Variants in LRFN5 observed in about 807,000 individuals in gnomAD.
The protein encoded by LRFN5 is leucine-rich repeat and fibronectin type-III domain-containing protein 5.
LRFN5 carries 24 observed loss-of-function variants against 45.6 expected under a neutral mutation model. The observed-to-expected ratio is 0.53, with a 90% CI of 0.38 to 0.74. The LOEUF (loss-of-function observed/expected upper bound fraction) is 0.74. LRFN5 is among the 30% of genes least tolerant of loss of function. The probability of loss-of-function intolerance (pLI) is 0.00; values close to 1 mark genes in which losing one functional copy is unlikely to be tolerated. For missense variants in LRFN5, 776 were observed against 861.5 expected, an observed-to-expected ratio of 0.90 and a Z score of 1.24; for synonymous variants, 340 against 313.8, an observed-to-expected ratio of 1.08 and a Z score of -0.88.
chr14:41,751,344 T>C (rs997327907), intron 1 of LRFN5, among the ~76,000 whole-genome samples: 8 of 152,094 alleles, frequency 5.3e-5, no homozygotes, highest in Admixed American at 5.2e-4. Context: ...ATAAATGGAA[T>C]TACAGCTCCC....
chr14:41,899,006 A>G (rs377628681), intron 5 of LRFN5, 46 bp downstream of exon 5: 18 of 1,428,362 alleles, frequency 1.3e-5, no homozygotes, highest in African/African-American at 1.2e-4. Flanking sequence ...TTAAATGGGT[A>G]TACACTTTTT....
chr14:41,611,115 C>T (rs761462092), intron 1 of LRFN5, among the ~76,000 whole-genome samples: 4 of 152,192 alleles, frequency 2.6e-5, no homozygotes, highest in Non-Finnish European at 5.9e-5. Context: ...CTTCCGCCCT[C>T]AGCCTCAGGG....
At chr14:41,666,509 A>C (rs533003810) in intron 1 of LRFN5, among the ~76,000 whole-genome samples, 1 of 152,138 alleles carries the variant, frequency 6.6e-6, no homozygotes, top group African/African-American at 2.4e-5. Context: ...AAAATGATTC[A>C]TACTATAGAT....
chr14:41,639,691 A>T (rs1879471960), intron 1 of LRFN5, among the ~76,000 whole-genome samples: 1 of 152,144 alleles, frequency 6.6e-6, no homozygotes, highest in South Asian at 2.1e-4. Context: ...TGGAACAATT[A>T]TTATCAAATA....
At chr14:41,787,359 C>G (rs1038473946) in intron 2 of LRFN5, among the ~76,000 whole-genome samples, 3 of 152,122 alleles carry the variant, frequency 2.0e-5, no homozygotes, top group Admixed American at 6.6e-5. Context: ...ATTTGAGTCA[C>G]TCTTTCCTGT....
chr14:41,784,939 T>C (rs1229273317), intron 2 of LRFN5, among the ~76,000 whole-genome samples: 5 of 152,128 alleles, frequency 3.3e-5, no homozygotes, highest in Non-Finnish European at 5.9e-5. Flanking sequence ...CTGTAGCCTC[T>C]TTAATTGTTA....
rs571772459 is a variant in LRFN5 at position 41,788,933 on chromosome 14, T to C, written c.-21+21904T>C. On this transcript the variant is annotated intron_variant, in intron 2 of 5. Coordinates refer to ENST00000298119, the MANE Select transcript of LRFN5 (RefSeq NM_152447.5). ...TGGAATTACAGAAGTCTGTTCCAAC[T>C]AAGAACTTGAAAGGGTTGAGGAAAA... is the stretch of plus-strand genomic sequence containing the variant. Among the ~76,000 whole-genome samples the C allele has an allele frequency of 2.6e-5, 4 of 152,162 alleles. No individual in the cohort carries two copies. In the East Asian group the frequency reaches 7.7e-4, roughly 29 times the overall value.
intron 1 of LRFN5, among the ~76,000 whole-genome samples, chr14:41,613,503 T>G (rs1566588306): frequency 6.6e-6 from 1 of 152,008 alleles, no homozygotes; most frequent in East Asian, 1.9e-4. Context: ...CATTTTTTTT[T>G]GTGGGAACAT....
At chr14:41,756,073 TA>T (rs767998426) in intron 1 of LRFN5, among the ~76,000 whole-genome samples, 4 of 152,218 alleles carry the variant, frequency 2.6e-5, no homozygotes, top group Non-Finnish European at 5.9e-5. Flanking sequence ...TTCTTTTGTT[TA>T]AAAATGTTGA....
At chr14:41,822,716 C>T (rs1240650542) in intron 2 of LRFN5, among the ~76,000 whole-genome samples, 2 of 151,854 alleles carry the variant, frequency 1.3e-5, no homozygotes, top group East Asian at 1.9e-4. Context: ...TTTGCCTTGA[C>T]GGTCTCTCTA....
intron 2 of LRFN5, among the ~76,000 whole-genome samples, chr14:41,770,172 C>T (rs1886029966): frequency 6.6e-6 from 1 of 152,170 alleles, no homozygotes. Context: ...AGGAGCCATT[C>T]ATGAGGTATC....
At chr14:41,880,492 CAATTA>C (rs1203754716) in intron 2 of LRFN5, among the ~76,000 whole-genome samples, 15 of 152,090 alleles carry the variant, frequency 9.9e-5, no homozygotes, top group Non-Finnish European at 1.9e-4. Context: ...ACTTTAATTT[CAATTA>C]AATTAATTTC....
intron 1 of LRFN5, among the ~76,000 whole-genome samples, chr14:41,625,192 T>C (rs1022150284): frequency 6.6e-6 from 1 of 152,134 alleles, no homozygotes; most frequent in Non-Finnish European, 1.5e-5. Flanking sequence ...AACGTTGATA[T>C]GGTTTGGCTT....
At chr14:41,860,312 G>T (rs1467148813) in intron 2 of LRFN5, among the ~76,000 whole-genome samples, 1 of 152,094 alleles carries the variant, frequency 6.6e-6, no homozygotes, top group Non-Finnish European at 1.5e-5. Flanking sequence ...TTATAAGATA[G>T]TTATTTCAAA....
At chr14:41,827,057 C>T (rs1594444424) in intron 2 of LRFN5, among the ~76,000 whole-genome samples, 1 of 151,848 alleles carries the variant, frequency 6.6e-6, no homozygotes, top group Non-Finnish European at 1.5e-5. Flanking sequence ...ATGAATTAAC[C>T]TTACCTAATT....
chr14:41,662,092 T>C (rs1452176609), intron 1 of LRFN5, among the ~76,000 whole-genome samples: 1 of 151,996 alleles, frequency 6.6e-6, no homozygotes, highest in East Asian at 1.9e-4. Context: ...TAACTCTCTT[T>C]TATGAACTCA....
chr14:41,613,025 T>C (rs1887808515), intron 1 of LRFN5, among the ~76,000 whole-genome samples: 1 of 152,104 alleles, frequency 6.6e-6, no homozygotes, highest in African/African-American at 2.4e-5. Context: ...AATTATGAAG[T>C]TGGTTAATAA....
chr14:41,660,100 G>A (rs1465090456), intron 1 of LRFN5, among the ~76,000 whole-genome samples: 8 of 151,812 alleles, frequency 5.3e-5, no homozygotes, highest in Admixed American at 6.6e-5. Flanking sequence ...ATCTTGGCTC[G>A]CTGCAACAAC....
At chr14:41,764,786 G>GTGCAGAATACATATATATGATTATATA (rs67034594) in intron 1 of LRFN5, among the ~76,000 whole-genome samples, 6,283 of 120,048 alleles carry the variant, frequency 0.052, 423 homozygotes, top group Non-Finnish European at 0.076. Context: ...ACTAACATGT[G>GTGCAGAATACATATATATGATTATATA]TGCAGAATAC....
Sources: allele counts gnomAD v4.1 joint callset (sites outside exome capture counted in the v4.1 genomes callset), GRCh38; gene constraint gnomAD v4.1.1; transcripts MANE v1.5; gene names NCBI Gene and HGNC (gene_info 2026-07-23, HGNC 2026-07-21).